Variants in SEMA4F observed in about 807,000 individuals in gnomAD.
SEMA4F encodes the protein semaphorin-4F.
A neutral mutation model predicts 78.4 loss-of-function variants in SEMA4F; 51 were observed. The ratio of observed to expected loss-of-function variants is 0.65; its 90% CI spans 0.52 to 0.82. The LOEUF (loss-of-function observed/expected upper bound fraction) is 0.82, where lower values mean the gene tolerates loss of function less well. SEMA4F is among the 40% of genes least tolerant of loss of function. The pLI is 0.00. For missense variants in SEMA4F, 938 were observed against 1,014.4 expected, an observed-to-expected ratio of 0.92 and a Z score of 1.02; for synonymous variants, 418 against 408.7, an observed-to-expected ratio of 1.02 and a Z score of -0.27.
At position 74,673,401 on chromosome 2, in the gene SEMA4F, C is replaced by G. The variant is rs565427213; in HGVS notation, c.551-56C>G. On this transcript the variant is annotated intron_variant, in intron 5 of 13. Transcript: ENST00000357877. ...TTATGCCCTACTCTGCCTGTGACCT[C>G]TGTTGCTTCCCTCAGTGGGTCCCTG... is the stretch of plus-strand genomic sequence containing the variant. The G allele has an allele frequency of 9.6e-5, 155 of 1,606,678 alleles. No individual in the cohort carries two copies. The African/African-American group carries it at 1.9e-3, about 20-fold the overall frequency.
At chr2:74,669,525 C>G (rs1198271665) in intron 5 of SEMA4F, among the ~76,000 whole-genome samples, 1 of 151,564 alleles carries the variant, frequency 6.6e-6, no homozygotes, top group African/African-American at 2.4e-5. Flanking sequence ...GCGGAGATTA[C>G]AGTGAGCCGA....
At chr2:74,689,664 C>G in the SEMA4F span, among the ~76,000 whole-genome samples, 3 of 152,034 alleles carry the variant, frequency 2.0e-5, no homozygotes, top group African/African-American at 7.2e-5. Flanking sequence ...GAAAAAATGT[C>G]CACATTGTTA....
chr2:74,668,061 T>C (rs534089880), intron 5 of SEMA4F, among the ~76,000 whole-genome samples: 1 of 152,292 alleles, frequency 6.6e-6, no homozygotes, highest in South Asian at 2.1e-4. Context: ...CAGTCTTCCC[T>C]CCTCCGAGTG....
intron 1 of SEMA4F, among the ~76,000 whole-genome samples, chr2:74,655,110 C>G (rs1333790317): frequency 6.6e-6 from 1 of 152,208 alleles, no homozygotes; most frequent in Non-Finnish European, 1.5e-5. Flanking sequence ...GCTCCCCTGA[C>G]ATCTCTGACA....
At chr2:74,670,005 G>A (rs1454354435) in intron 5 of SEMA4F, among the ~76,000 whole-genome samples, 1 of 152,048 alleles carries the variant, frequency 6.6e-6, no homozygotes, top group African/African-American at 2.4e-5. Context: ...AATAAAAATA[G>A]GGTTGAATTT....
the SEMA4F span, among the ~76,000 whole-genome samples, chr2:74,703,977 G>C: frequency 6.6e-6 from 1 of 152,150 alleles, no homozygotes; most frequent in African/African-American, 2.4e-5. Context: ...CAGGTGTAAA[G>C]TAGGGCTTGA....
the SEMA4F span, among the ~76,000 whole-genome samples, chr2:74,706,675 G>A: frequency 6.6e-6 from 1 of 152,166 alleles, no homozygotes; most frequent in African/African-American, 2.4e-5. Flanking sequence ...TTGTCTGCAC[G>A]AGGTTTGTTG....
At chr2:74,702,997 T>C in the SEMA4F span, among the ~76,000 whole-genome samples, 1 of 152,350 alleles carries the variant, frequency 6.6e-6, no homozygotes, top group East Asian at 1.9e-4. Flanking sequence ...TAATTCAGTA[T>C]GTATTTATTG....
chr2:74,654,279 C>G lies in SEMA4F; in HGVS notation c.-98C>G. On this transcript the variant is annotated 5_prime_UTR_variant, in exon 1 of 14. Transcript: ENST00000357877. ...CCCTCAGCCTCAGGCTGAGCCGGAC[C>G]GAGCCGAGAGGACCCGAGTGGGGCC... The G allele has an allele frequency of 1.5e-6, 2 of 1,325,804 alleles. No homozygotes were observed. Among genetic ancestry groups the G allele is most frequent in the Middle Eastern group, 2.7e-4 (1 of 3,664 alleles). The allele number at this position is 1,325,804 out of a possible 1,614,324, so 82.1% of individuals were successfully genotyped here.
At chr2:74,659,225 G>C (rs1684312227) in intron 4 of SEMA4F, among the ~76,000 whole-genome samples, 1 of 152,136 alleles carries the variant, frequency 6.6e-6, no homozygotes, top group African/African-American at 2.4e-5. Context: ...AGGTAGCAAT[G>C]GTACTGCCAT....
chr2:74,701,450 T>C, the SEMA4F span, among the ~76,000 whole-genome samples: 1 of 152,200 alleles, frequency 6.6e-6, no homozygotes, highest in Non-Finnish European at 1.5e-5. Flanking sequence ...CACAGCCAGG[T>C]TGAGTGGTTC....
At chr2:74,679,050 G>A (rs1245537956) in intron 12 of SEMA4F, among the ~76,000 whole-genome samples, 2 of 152,248 alleles carry the variant, frequency 1.3e-5, no homozygotes, top group South Asian at 4.2e-4. Context: ...GCTATCACTG[G>A]TCTGCTAGAA....
intron 4 of SEMA4F, among the ~76,000 whole-genome samples, chr2:74,661,604 T>C (rs947531374): frequency 3.9e-5 from 6 of 152,220 alleles, no homozygotes; most frequent in African/African-American, 1.4e-4. Context: ...GCTGGAGTGC[T>C]GTGCCTCTGT....
At chr2:74,699,408 C>G in the SEMA4F span, among the ~76,000 whole-genome samples, 8 of 152,324 alleles carry the variant, frequency 5.3e-5, no homozygotes, top group East Asian at 3.9e-4. Flanking sequence ...CAGCCATTCT[C>G]CACATGACAT....
chr2:74,697,510 A>G, the SEMA4F span, among the ~76,000 whole-genome samples: 5 of 152,160 alleles, frequency 3.3e-5, no homozygotes. Context: ...CACAGAGGGA[A>G]GAGATAGCAC....
At chr2:74,686,566 GACACGTGC>G (rs1445578337), downstream of SEMA4F, among the ~76,000 whole-genome samples, 2 of 152,194 alleles carry the variant, frequency 1.3e-5, no homozygotes, top group Admixed American at 1.3e-4. Flanking sequence ...CTACTATAAA[GACACGTGC>G]ACACGTATGT....
the SEMA4F span, among the ~76,000 whole-genome samples, chr2:74,703,353 A>G: frequency 6.6e-6 from 1 of 152,230 alleles, no homozygotes; most frequent in Non-Finnish European, 1.5e-5. Context: ...TATTATGTAC[A>G]TGGAGACAAG....
rs1183134999 is a variant in SEMA4F, at chr2:74,677,577, A to C, written c.1643+1668A>C. Reference sequence around the variant, plus strand: ...ATCCAAATAATGCTTATTAATTGTAATTGGTTGATATGTTTCTTAAGTGTA... The same window carrying C: ...ATCCAAATAATGCTTATTAATTGTACTTGGTTGATATGTTTCTTAAGTGTA... On this transcript the variant is annotated intron_variant, in intron 12 of 13. Coordinates refer to ENST00000357877, the MANE Select transcript of SEMA4F (RefSeq NM_004263.5). Among the ~76,000 whole-genome samples, 6 of 152,204 alleles carry C rather than the reference A, an allele frequency of 3.9e-5. No individual in the cohort carries two copies. In the East Asian group the frequency reaches 1.2e-3, roughly 29 times the overall value.
chr2:74,701,946 C>G, the SEMA4F span, among the ~76,000 whole-genome samples: 1 of 152,184 alleles, frequency 6.6e-6, no homozygotes, highest in African/African-American at 2.4e-5. Flanking sequence ...TGCAATTGAT[C>G]ACACATACAC....
Sources: gnomAD v4.1 joint callset for allele counts (sites outside exome capture counted in the v4.1 genomes callset) on GRCh38, gnomAD v4.1.1 for gene constraint, MANE v1.5 for transcripts, NCBI Gene and HGNC (gene_info 2026-07-23, HGNC 2026-07-21) for gene names.